ACTR3B: variants seen among roughly 807,000 people sequenced by gnomAD.
The protein encoded by ACTR3B is actin-related protein 3B.
Under a neutral mutation model 59.0 loss-of-function variants are expected in ACTR3B, and 8 were observed. The ratio of observed to expected loss-of-function variants is 0.14; its 90% confidence interval spans 0.08 to 0.24. The LOEUF (loss-of-function observed/expected upper bound fraction) is 0.24, where lower values mean the gene tolerates loss of function less well. ACTR3B is among the 10% of genes least tolerant of loss of function. The probability of loss-of-function intolerance (pLI) is 1.00; values close to 1 mark genes in which losing one functional copy is unlikely to be tolerated. For synonymous variants in ACTR3B, 148 were observed against 197.9 expected (o/e 0.75, Z 2.12); for missense variants, 245 against 552.3 (o/e 0.44, Z 5.58).
At chr7:152,765,111 T>C (rs1180084205) in intron 1 of ACTR3B, among the ~76,000 whole-genome samples, 8 of 36,982 alleles carry the variant, frequency 2.2e-4, no homozygotes, top group East Asian at 4.3e-3. Flanking sequence ...CCCTGGCCCT[T>C]TTTTTTTTTT....
intron 1 of ACTR3B, among the ~76,000 whole-genome samples, chr7:152,779,534 C>G (rs1171817285): frequency 6.6e-6 from 1 of 152,196 alleles, no homozygotes; most frequent in African/African-American, 2.4e-5. Flanking sequence ...TTGTTACTAG[C>G]TAGTAAACTG....
chr7:152,784,090 CAA>C (rs1158103116), intron 2 of ACTR3B, among the ~76,000 whole-genome samples: 3 of 124,678 alleles, frequency 2.4e-5, no homozygotes, highest in Non-Finnish European at 3.4e-5. Flanking sequence ...AACTCCGTCT[CAA>C]AAAAAAAAAA....
intron 3 of ACTR3B, among the ~76,000 whole-genome samples, chr7:152,801,205 A>G (rs1201356613): frequency 1.3e-5 from 2 of 152,256 alleles, no homozygotes; most frequent in South Asian, 2.1e-4. Context: ...TCAACTTCCC[A>G]AGTAGGTGGG....
At chr7:152,823,621 C>T (rs568406418) in intron 8 of ACTR3B, 106 bp downstream of exon 8, 44 of 1,350,106 alleles carry the variant, frequency 3.3e-5, no homozygotes, top group Middle Eastern at 2.0e-4. Flanking sequence ...GCAGGGTGGC[C>T]GTCATTCGGT....
intron 2 of ACTR3B, among the ~76,000 whole-genome samples, chr7:152,796,860 G>GTTTTTTTTGTTTTTTTTTTTTTT (rs2098218297): frequency 1.8e-5 from 1 of 54,738 alleles, no homozygotes; most frequent in Non-Finnish European, 3.2e-5. Flanking sequence ...TAGTTTTTGT[G>GTTTTTTTTGTTTTTTTTTTTTTT]TTTTTTTTTT....
chr7:152,776,380 G>C (rs1377514575), intron 1 of ACTR3B, among the ~76,000 whole-genome samples: 1 of 152,078 alleles, frequency 6.6e-6, no homozygotes, highest in Non-Finnish European at 1.5e-5. Context: ...ATAATTGGTA[G>C]ATTTGATCAC....
intron 1 of ACTR3B, among the ~76,000 whole-genome samples, chr7:152,770,017 C>A (rs1333463239): frequency 6.6e-6 from 1 of 152,178 alleles, no homozygotes; most frequent in Non-Finnish European, 1.5e-5. Context: ...CTTTCCCTTA[C>A]AACTGCCATA....
chr7:152,763,704 G>T (rs1396905912), intron 1 of ACTR3B, among the ~76,000 whole-genome samples: 2 of 152,214 alleles, frequency 1.3e-5, no homozygotes, highest in Admixed American at 6.5e-5. Context: ...GATTACAGGC[G>T]TGAGCCACTG....
In ACTR3B at chr7:152,854,400, G is replaced by A; in HGVS notation, c.1162-58G>A. 6.6e-7 allele frequency: 1 copy of A among 1,517,242 alleles called. No individual in the cohort carries two copies. Among genetic ancestry groups the A allele is most frequent in the Admixed American group, 1.7e-5 (1 of 59,756 alleles). The allele number at this position is 1,517,242 out of a possible 1,614,324, so 94.0% of individuals were successfully genotyped here. ...GAGTGTCTTGCCTGCTTGGTAGCTGGTTCCCTTGACTTTCTTCTGAAATGA... is the reference window on the plus strand; with the variant it reads ...GAGTGTCTTGCCTGCTTGGTAGCTGATTCCCTTGACTTTCTTCTGAAATGA... On this transcript the variant is annotated intron_variant, in intron 11 of 11. Transcript: ENST00000256001. The surrounding 1 kb of genome is among the most constrained non-coding windows in gnomAD (Gnocchi z 4.9).
intron 9 of ACTR3B, among the ~76,000 whole-genome samples, chr7:152,845,636 C>A (rs1464203397): frequency 6.6e-6 from 1 of 152,232 alleles, no homozygotes; most frequent in African/African-American, 2.4e-5. Flanking sequence ...TTCACAGAAT[C>A]TCTTGAGATG....
At chr7:152,840,602 G>A (rs1332490658) in intron 9 of ACTR3B, among the ~76,000 whole-genome samples, 1 of 141,600 alleles carries the variant, frequency 7.1e-6, no homozygotes, top group African/African-American at 2.6e-5. Flanking sequence ...AGGAAAACGG[G>A]GTTTCTACTG....
chr7:152,785,342 A>C (rs1275662815), intron 2 of ACTR3B, among the ~76,000 whole-genome samples: 1 of 115,616 alleles, frequency 8.6e-6, no homozygotes, highest in Non-Finnish European at 1.8e-5. Context: ...GGTGGGAGTA[A>C]AAGAACAGTT....
At chr7:152,813,292 T>C (rs1415944540) in intron 4 of ACTR3B, 1 of 142,002 alleles carries the variant, frequency 7.0e-6, no homozygotes, top group Non-Finnish European at 1.5e-5. Context: ...AGAGACTTTT[T>C]ATTTTTTCAG....
chr7:152,760,708 CT>C (rs2098086942), intron 1 of ACTR3B, among the ~76,000 whole-genome samples: 1 of 152,132 alleles, frequency 6.6e-6, no homozygotes, highest in South Asian at 2.1e-4. Context: ...GTGACCACTT[CT>C]TTCGTTGCCG....
Position 152,818,171 on chromosome 7 carries a change from C to T in ACTR3B, c.540+1583C>T, listed in dbSNP as rs1268734551. Among the ~76,000 whole-genome samples the T allele has an allele frequency of 1.3e-4, 19 of 151,336 alleles. No homozygotes were observed. The South Asian group carries it at 1.5e-3, about 12-fold the overall frequency. ...CTGCTGAGATCCAAGATGAGGCCCCCGTAGGCCCCTGGCCTGCACCCCCTT... is the reference window on the plus strand; with the variant it reads ...CTGCTGAGATCCAAGATGAGGCCCCTGTAGGCCCCTGGCCTGCACCCCCTT... On this transcript the variant is annotated intron_variant, in intron 6 of 11. Transcript: ENST00000256001.
rs939561275 is a variant in ACTR3B, at chr7:152,855,352, A to G, written c.*799A>G. ...AATACTTCCTTGCACCATTGTAATAAAAGCTGTTAGAATATTTGTAAATAT... is the reference window on the plus strand; with the variant it reads ...AATACTTCCTTGCACCATTGTAATAGAAGCTGTTAGAATATTTGTAAATAT... On this transcript the variant is annotated 3_prime_UTR_variant, in exon 12 of 12. Transcript: ENST00000256001. 1 of 152,224 alleles carries G rather than the reference A, an allele frequency of 6.6e-6. No individual in the cohort carries two copies. Among genetic ancestry groups the G allele is most frequent in the African/African-American group, 2.4e-5 (1 of 41,456 alleles). The allele number at this position is 152,224 out of a possible 1,614,324, so 9.4% of individuals were successfully genotyped here.
At chr7:152,825,380 C>T (rs1379332100) in intron 9 of ACTR3B, among the ~76,000 whole-genome samples, 1 of 152,184 alleles carries the variant, frequency 6.6e-6, no homozygotes, top group Non-Finnish European at 1.5e-5. Flanking sequence ...GGTGCGATCT[C>T]AGCTCACTAT....
intron 1 of ACTR3B, among the ~76,000 whole-genome samples, chr7:152,772,191 T>C: frequency 6.6e-6 from 1 of 151,606 alleles, no homozygotes; most frequent in Non-Finnish European, 1.5e-5. Flanking sequence ...TTTTCAACAG[T>C]GTAATGTGCC....
chr7:152,804,410 G>T (rs1472828608), intron 4 of ACTR3B, among the ~76,000 whole-genome samples: 10 of 152,178 alleles, frequency 6.6e-5, no homozygotes, highest in East Asian at 1.9e-4. Flanking sequence ...TGACGAGAGC[G>T]GGGGAGTGTG....
Sources: gnomAD v4.1 joint callset for allele counts (sites outside exome capture counted in the v4.1 genomes callset) on GRCh38, gnomAD v4.1.1 for gene constraint, Gnocchi (gnomAD v3.1) non-coding constraint, MANE v1.5 for transcripts, NCBI Gene and HGNC (gene_info 2026-07-23, HGNC 2026-07-21) for gene names.